Variants in FARP1 observed in about 807,000 individuals in gnomAD.
FARP1 encodes FERM, ARHGEF and pleckstrin domain-containing protein 1.
In FARP1, 52 loss-of-function variants were observed where a neutral mutation model predicts 128.8. The observed-to-expected ratio is 0.40, with a 90% confidence interval of 0.32 to 0.51. FARP1 has a LOEUF of 0.51. Among genes scored for constraint, FARP1 ranks in the 20% least tolerant of loss-of-function variants. The pLI is 0.45. For missense variants in FARP1, 1,333 were observed against 1,367.9 expected, an observed-to-expected ratio of 0.97 and a Z score of 0.40; for synonymous variants, 580 against 551.8, an observed-to-expected ratio of 1.05 and a Z score of -0.72.
At chr13:98,210,536 CTT>C (rs1880617892) in intron 1 of FARP1, among the ~76,000 whole-genome samples, 1 of 141,774 alleles carries the variant, frequency 7.1e-6, no homozygotes, top group Non-Finnish European at 1.5e-5. Flanking sequence ...GTTGGACTTT[CTT>C]TTTCGTTTTT....
chr13:98,436,479 G>A (rs912328), intron 19 of FARP1, among the ~76,000 whole-genome samples: 147,257 of 152,322 alleles, frequency 0.97, 71,261 homozygotes, highest in East Asian at 1. Flanking sequence ...CGTCACCCAG[G>A]TCGAGAGACA....
At chr13:98,169,936 G>T (rs285093) in intron 1 of FARP1, among the ~76,000 whole-genome samples, 40,018 of 152,024 alleles carry the variant, frequency 0.26, 6,394 homozygotes, top group Non-Finnish European at 0.35. Context: ...GCTTTAGGAA[G>T]ATTCTCTACT....
At chr13:98,370,087 A>G (rs1889261544) in intron 5 of FARP1, among the ~76,000 whole-genome samples, 4 of 152,234 alleles carry the variant, frequency 2.6e-5, no homozygotes, top group Admixed American at 2.6e-4. Context: ...TCTTTAGGTA[A>G]TTGAAGTAGG....
chr13:98,417,455 GAAAAAAAAAAAA>G (rs869304302), intron 16 of FARP1, among the ~76,000 whole-genome samples: 27 of 58,480 alleles, frequency 4.6e-4, no homozygotes, highest in East Asian at 1.0e-3. Flanking sequence ...CCAGAGGTTT[GAAAAAAAAAAAA>G]AAAAAAAAAA....
At chr13:98,410,475 C>T (rs969120995) in intron 14 of FARP1, among the ~76,000 whole-genome samples, 2 of 152,226 alleles carry the variant, frequency 1.3e-5, no homozygotes, top group African/African-American at 4.8e-5. Context: ...ACTATATTCT[C>T]ATCATGGAAA....
At chr13:98,404,748 G>A (rs772909043) in intron 13 of FARP1, 1 of 151,998 alleles carries the variant, frequency 6.6e-6, no homozygotes, top group South Asian at 2.1e-4. Flanking sequence ...TTTATGTGGG[G>A]GAATATTGAA....
intron 3 of FARP1, chr13:98,345,481 T>C (rs1888141519): frequency 6.6e-6 from 1 of 152,274 alleles, no homozygotes; most frequent in Non-Finnish European, 1.5e-5. Context: ...TTGTTCTTTC[T>C]AGGTACCGGG....
At chr13:98,410,880 T>G in intron 15 of FARP1, 57 bp downstream of exon 15, 3 of 873,632 alleles carry the variant, frequency 3.4e-6, no homozygotes, top group Non-Finnish European at 5.6e-6. Flanking sequence ...CAGCTAATAC[T>G]CAGCTATACG....
chr13:98,256,563 TTTTTC>T (rs1438350800), intron 2 of FARP1, among the ~76,000 whole-genome samples: 1 of 151,900 alleles, frequency 6.6e-6, no homozygotes, highest in Non-Finnish European at 1.5e-5. Flanking sequence ...ACTTTTTTTT[TTTTTC>T]TTTTTTTTGG....
chr13:98,254,220 G>A (rs143163240), intron 2 of FARP1, among the ~76,000 whole-genome samples: 1 of 152,272 alleles, frequency 6.6e-6, no homozygotes, highest in East Asian at 1.9e-4. Flanking sequence ...ACTAATACAT[G>A]CCATTATTGG....
Position 98,162,617 on chromosome 13 carries a change from T to C in FARP1, c.-24+19125T>C, listed in dbSNP as rs959821406. Among the ~76,000 whole-genome samples the C allele has an allele frequency of 2.2e-4, 34 of 152,158 alleles. 1 individual carries two copies. The highest frequency in any genetic ancestry group is 1.5e-5 in the Non-Finnish European group (1 of 68,020). On this transcript the variant is annotated intron_variant, in intron 1 of 26. Coordinates refer to ENST00000319562, the MANE Select transcript of FARP1 (RefSeq NM_005766.4). ...TATAGTCACAAATGGGTGGCAGATA[T>C]ACATTTATTTATGATCTTAGTCTTC...
chr13:98,410,766 T>A lies in FARP1; in HGVS notation c.1635T>A (p.Ala545=). ...CAACTGATAAAGCGTACTTCATAGCTAAGGAAGTGTCTACCACCGAGCGAA... is the reference window on the plus strand; with the variant it reads ...CAACTGATAAAGCGTACTTCATAGCAAAGGAAGTGTCTACCACCGAGCGAA... ...RFPTDKAYFI[A]KEVSTTERTY... The change falls in exon 15 of 27, where the codon GCT becomes GCA. Residue 545 remains alanine, a synonymous_variant. Transcript: ENST00000319562. 6.2e-7 allele frequency: 1 copy of A among 1,605,222 alleles called. No individual in the cohort carries two copies. The highest frequency in any genetic ancestry group is 8.5e-7 in the Non-Finnish European group (1 of 1,173,890).
chr13:98,280,051 C>A (rs1276454035), intron 2 of FARP1, among the ~76,000 whole-genome samples: 1 of 152,148 alleles, frequency 6.6e-6, no homozygotes, highest in East Asian at 1.9e-4. Context: ...CCCCTGCATG[C>A]CCTGCTCCCA....
intron 18 of FARP1, 55 bp from the exon 19 acceptor site, chr13:98,435,521 G>A: frequency 3.2e-6 from 5 of 1,560,464 alleles, no homozygotes; most frequent in Non-Finnish European, 4.3e-6. Context: ...AGCTGCTAGG[G>A]GAAGACCCCT....
At chr13:98,224,800 A>G (rs1467335085) in intron 2 of FARP1, among the ~76,000 whole-genome samples, 2 of 152,118 alleles carry the variant, frequency 1.3e-5, no homozygotes, top group African/African-American at 4.8e-5. Context: ...CTTCTGCCTC[A>G]CAGAGAACAT....
At chr13:98,161,723 C>T (rs1346540257) in intron 1 of FARP1, among the ~76,000 whole-genome samples, 1 of 152,008 alleles carries the variant, frequency 6.6e-6, no homozygotes, top group African/African-American at 2.4e-5. Context: ...ACCTTCTTGT[C>T]TCTCTTTTTC....
At chr13:98,310,860 G>A (rs897049570) in intron 2 of FARP1, among the ~76,000 whole-genome samples, 3 of 152,144 alleles carry the variant, frequency 2.0e-5, no homozygotes, top group African/African-American at 7.2e-5. Context: ...CTGCCCCCTT[G>A]CAGAGAGAAG....
At chr13:98,254,499 C>G (rs962411421) in intron 2 of FARP1, among the ~76,000 whole-genome samples, 2 of 152,142 alleles carry the variant, frequency 1.3e-5, no homozygotes, top group Non-Finnish European at 2.9e-5. Flanking sequence ...GGTATTCTAT[C>G]CCAGTGATCA....
rs547646801 is a variant in FARP1, at chr13:98,283,341, C to T, written c.172-60421C>T. Among the ~76,000 whole-genome samples the T allele has an allele frequency of 9.2e-5, 14 of 152,272 alleles. No individual in the cohort carries two copies. The South Asian group carries it at 2.9e-3, about 32-fold the overall frequency. On this transcript the variant is annotated intron_variant, in intron 2 of 26. Transcript: ENST00000319562. ...AAGACTAAAATTACTTGGGTTTTGTCTTCAAATTTTTTAGAACAGTAGAAT... is the reference window on the plus strand; with the variant it reads ...AAGACTAAAATTACTTGGGTTTTGTTTTCAAATTTTTTAGAACAGTAGAAT...
Sources: gnomAD v4.1 joint callset for allele counts (sites outside exome capture counted in the v4.1 genomes callset) on GRCh38, gnomAD v4.1.1 for gene constraint, MANE v1.5 for transcripts, NCBI Gene and HGNC (gene_info 2026-07-23, HGNC 2026-07-21) for gene names.